The following DHRS3 variants were observed in gnomAD, a reference collection of about 807,000 sequenced individuals.
DHRS3 encodes the protein dehydrogenase/reductase 3, also known as short-chain dehydrogenase/reductase 3.
Under a neutral mutation model 27.2 loss-of-function variants are expected in DHRS3, and 14 were observed. That is an observed-to-expected ratio of 0.52 (90% CI 0.34 to 0.81). The LOEUF (loss-of-function observed/expected upper bound fraction) is 0.81, where lower values mean the gene tolerates loss of function less well. Among genes scored for constraint, DHRS3 ranks in the 30% least tolerant of loss-of-function variants. The pLI, the probability that DHRS3 is intolerant of heterozygous loss-of-function variation, is 0.01. For missense variants in DHRS3, 322 were observed against 406.2 expected, an observed-to-expected ratio of 0.79 and a Z score of 1.78; for synonymous variants, 165 against 175.9, an observed-to-expected ratio of 0.94 and a Z score of 0.49.
intron 1 of DHRS3, among the ~76,000 whole-genome samples, chr1:12,605,361 G>T (rs1029461274): frequency 6.6e-6 from 1 of 152,048 alleles, no homozygotes; most frequent in African/African-American, 2.4e-5. Context: ...TATTACCAAG[G>T]TCATATACAG....
chr1:12,588,261 C>T (rs1198954899), intron 1 of DHRS3, among the ~76,000 whole-genome samples: 3 of 152,226 alleles, frequency 2.0e-5, no homozygotes, highest in Non-Finnish European at 4.4e-5. Flanking sequence ...AACAGCACCA[C>T]CACTATATAA....
chr1:12,615,879 C>T (rs1018721793), intron 1 of DHRS3, among the ~76,000 whole-genome samples: 9 of 152,174 alleles, frequency 5.9e-5, no homozygotes, highest in Admixed American at 2.6e-4. Flanking sequence ...CAAGGTCAAG[C>T]GGCTGTCCAA....
chr1:12,579,445 G>A, intron 2 of DHRS3, 33 bp from the exon 3 acceptor site: 22 of 1,611,112 alleles, frequency 1.4e-5, no homozygotes, highest in Non-Finnish European at 1.9e-5. Context: ...GGGCCATGAG[G>A]GCAGCCAGCC....
intron 1 of DHRS3, among the ~76,000 whole-genome samples, chr1:12,609,550 G>A (rs1167373641): frequency 6.6e-6 from 1 of 152,198 alleles, no homozygotes; most frequent in East Asian, 1.9e-4. Context: ...CTAGTGCAAT[G>A]CTGACAGCAT....
In DHRS3 at chr1:12,570,373, G is replaced by A. The variant is rs183167476; in HGVS notation, c.825-1949C>T. Among the ~76,000 whole-genome samples, 148 of 152,314 alleles carry A rather than the reference G, an allele frequency of 9.7e-4. 1 individual carries two copies. Among genetic ancestry groups the A allele is most frequent in the Admixed American group, 2.0e-3 (30 of 15,302 alleles). The stretch of plus-strand genomic sequence containing the variant: ...GATCCCCAGGCCCTCACATGGGCCC[G>A]GCACAGAGAGGGCCCTCAGGCTGTT... On this transcript the variant is annotated intron_variant, in intron 5 of 5. Transcript: ENST00000616661.
chr1:12,610,109 C>T (rs1248349076), intron 1 of DHRS3, among the ~76,000 whole-genome samples: 1 of 152,092 alleles, frequency 6.6e-6, no homozygotes, highest in Admixed American at 6.6e-5. Context: ...GACAGAGTCT[C>T]CCACTGTTGC....
At chr1:12,588,095 C>T (rs1646713168) in intron 1 of DHRS3, among the ~76,000 whole-genome samples, 1 of 152,230 alleles carries the variant, frequency 6.6e-6, no homozygotes, top group South Asian at 2.1e-4. Flanking sequence ...TCAGGTTTCT[C>T]CTGTGTCCCT....
intron 1 of DHRS3, among the ~76,000 whole-genome samples, chr1:12,595,463 G>T (rs1039235851): frequency 6.7e-6 from 1 of 149,796 alleles, no homozygotes. Flanking sequence ...GGTGGGGATC[G>T]GGCTGGGATC....
chr1:12,571,468 A>C (rs1267044264), intron 5 of DHRS3, among the ~76,000 whole-genome samples: 1 of 151,960 alleles, frequency 6.6e-6, no homozygotes, highest in African/African-American at 2.4e-5. Flanking sequence ...GTGGTTCTCA[A>C]AGTGAGGTCC....
chr1:12,580,396 A>C (rs756626578), intron 2 of DHRS3, 127 bp downstream of exon 2: 81 of 1,351,610 alleles, frequency 6.0e-5, no homozygotes, highest in Admixed American at 7.6e-5. Context: ...GAGTCCCCAA[A>C]GGTGCCCCGG....
At position 12,617,683 on chromosome 1, in the gene DHRS3, G is replaced by A. The variant is rs1235299622; in HGVS notation, c.-335C>T. 7 of 165,916 alleles carry A rather than the reference G, an allele frequency of 4.2e-5. No homozygotes were observed. The East Asian group carries it at 1.1e-3, about 25-fold the overall frequency. The allele number at this position is 165,916 out of a possible 1,614,324, so 10.3% of individuals were successfully genotyped here. ...TTCGGCTGGGGAATTCTCAGGTAAT[G>A]TTTACAGACTGACAGAGGAGTTTAG... On this transcript the variant is annotated 5_prime_UTR_variant, in exon 1 of 6. Coordinates refer to ENST00000616661, the MANE Select transcript of DHRS3 (RefSeq NM_004753.7).
rs139951114 is a variant in DHRS3, at chr1:12,607,549, G to A, written c.195+9605C>T. On this transcript the variant is annotated intron_variant, in intron 1 of 5. Coordinates refer to ENST00000616661, the MANE Select transcript of DHRS3 (RefSeq NM_004753.7). ...CTTCCCCTTCTCCTTCTGCCATGATGGTAAGTTTCCTGAGGCCTCCTCAGC... is the reference window on the plus strand; with the variant it reads ...CTTCCCCTTCTCCTTCTGCCATGATAGTAAGTTTCCTGAGGCCTCCTCAGC... Among the ~76,000 whole-genome samples, 1,000 of 152,268 alleles carry A rather than the reference G, an allele frequency of 6.6e-3. 12 individuals carry two copies. Among genetic ancestry groups the A allele is most frequent in the African/African-American group, 0.023 (958 of 41,552 alleles).
chr1:12,606,311 CAA>C (rs56928608), intron 1 of DHRS3, among the ~76,000 whole-genome samples: 14 of 98,210 alleles, frequency 1.4e-4, no homozygotes, highest in South Asian at 3.7e-4. Context: ...CAATTAACAG[CAA>C]AAAAAAAAAA....
intron 1 of DHRS3, among the ~76,000 whole-genome samples, chr1:12,613,774 G>C (rs1002827941): frequency 5.3e-5 from 8 of 151,952 alleles, no homozygotes; most frequent in African/African-American, 1.9e-4. Context: ...TTTTTTGTTT[G>C]TTTGTTTGTT....
At chr1:12,573,375 G>A (rs532201696) in intron 4 of DHRS3, among the ~76,000 whole-genome samples, 4 of 152,292 alleles carry the variant, frequency 2.6e-5, no homozygotes, top group African/African-American at 4.8e-5. Flanking sequence ...TTCCTTGACC[G>A]CGTTCACCCC....
chr1:12,607,770 T>G (rs1646880708), intron 1 of DHRS3, among the ~76,000 whole-genome samples: 2 of 152,218 alleles, frequency 1.3e-5, no homozygotes, highest in Admixed American at 6.5e-5. Context: ...ACTAGATGGC[T>G]GGTATCATCG....
Position 12,589,399 on chromosome 1 carries a change from T to C in DHRS3, c.196-8733A>G, listed in dbSNP as rs1338399914. Reference sequence around the variant, plus strand: ...TCTTTTCTTTTCTTTTTCTTTTTTTTTTTTTTTGAGATGGAGGCTTGCTCT... The same window carrying C: ...TCTTTTCTTTTCTTTTTCTTTTTTTCTTTTTTTGAGATGGAGGCTTGCTCT... On this transcript the variant is annotated intron_variant, in intron 1 of 5. Transcript: ENST00000616661. Among the ~76,000 whole-genome samples, 4 of 150,770 alleles carry C rather than the reference T, an allele frequency of 2.7e-5. 1 individual carries two copies. The highest frequency in any genetic ancestry group is 1.3e-4 in the Admixed American group (2 of 15,204).
intron 5 of DHRS3, among the ~76,000 whole-genome samples, chr1:12,571,447 G>A (rs538626772): frequency 1.1e-4 from 16 of 152,058 alleles, no homozygotes; most frequent in Non-Finnish European, 2.1e-4. Context: ...TGTCCAATAG[G>A]CTGTAGAACA....
Position 12,570,684 on chromosome 1 carries a change from G to C in DHRS3, c.824+2044C>G, listed in dbSNP as rs140777073. Reference sequence around the variant, plus strand: ...ACCAACTTTTCTCTAGAAAGCTCTGGAAGTCTTCTAAGAAGCTCCCCTGAG... The same window carrying C: ...ACCAACTTTTCTCTAGAAAGCTCTGCAAGTCTTCTAAGAAGCTCCCCTGAG... On this transcript the variant is annotated intron_variant, in intron 5 of 5. Coordinates refer to ENST00000616661, the MANE Select transcript of DHRS3 (RefSeq NM_004753.7). 2.8e-3 allele frequency among the ~76,000 whole-genome samples: 425 copies of C among 152,304 alleles called. 1 individual carries two copies. Among genetic ancestry groups the C allele is most frequent in the Admixed American group, 6.9e-3 (105 of 15,304 alleles).
Sources: gnomAD v4.1 joint callset for allele counts (sites outside exome capture counted in the v4.1 genomes callset) on GRCh38, gnomAD v4.1.1 for gene constraint, MANE v1.5 for transcripts, NCBI Gene and HGNC (gene_info 2026-07-23, HGNC 2026-07-21) for gene names.